The following LHPP variants were observed in gnomAD, a reference collection of about 807,000 sequenced individuals.
LHPP encodes hLHPP.
LHPP carries 24 observed loss-of-function variants against 30.3 expected under a neutral mutation model. The ratio of observed to expected loss-of-function variants is 0.79; its 90% confidence interval spans 0.57 to 1.11. The LOEUF is 1.11. Ranked by LOEUF, LHPP falls within the 50% of genes most tolerant of loss-of-function variation. LHPP has a pLI of 0.00. For synonymous variants in LHPP, 150 were observed against 157.1 expected (o/e 0.95, Z 0.34); for missense variants, 356 against 367.2 (o/e 0.97, Z 0.25).
intron 1 of LHPP, among the ~76,000 whole-genome samples, chr10:124,469,800 G>T (rs186126534): frequency 6.6e-6 from 1 of 152,300 alleles, no homozygotes; most frequent in Non-Finnish European, 1.5e-5. Context: ...GCAGGCGACA[G>T]CGTGCACTCG....
At chr10:124,611,808 G>GT (rs377705479) in intron 6 of LHPP, among the ~76,000 whole-genome samples, 2 of 152,130 alleles carry the variant, frequency 1.3e-5, no homozygotes, top group African/African-American at 4.8e-5. Flanking sequence ...TTTAGATGAC[G>GT]TGAGAACCAA....
chr10:124,467,580 C>A (rs1298243356), intron 1 of LHPP, among the ~76,000 whole-genome samples: 7 of 144,882 alleles, frequency 4.8e-5, no homozygotes, highest in Admixed American at 1.4e-4. Flanking sequence ...TGCAGTGACA[C>A]AATCACGGCT....
chr10:124,560,185 AAATTTTGTTTTT>A (rs1948372169), intron 6 of LHPP, among the ~76,000 whole-genome samples: 1 of 152,234 alleles, frequency 6.6e-6, no homozygotes, highest in African/African-American at 2.4e-5. Flanking sequence ...TCTTGGTTTT[AAATTTTGTTTTT>A]AATTTTATAA....
intron 6 of LHPP, among the ~76,000 whole-genome samples, chr10:124,561,864 T>C (rs1275517131): frequency 6.6e-6 from 1 of 151,922 alleles, no homozygotes; most frequent in Non-Finnish European, 1.5e-5. Context: ...AACCCCAACA[T>C]GAATAAGAAG....
intron 1 of LHPP, among the ~76,000 whole-genome samples, chr10:124,483,722 A>G (rs1953219180): frequency 6.6e-6 from 1 of 152,004 alleles, no homozygotes; most frequent in South Asian, 2.1e-4. Flanking sequence ...ATGCCACTGC[A>G]CTCCAGCCTG....
chr10:124,468,927 C>T (rs911265373), intron 1 of LHPP, among the ~76,000 whole-genome samples: 2 of 152,208 alleles, frequency 1.3e-5, no homozygotes, highest in African/African-American at 4.8e-5. Context: ...GGAAAGTGTG[C>T]CTGCTTTTGG....
At chr10:124,565,793 G>A (rs2133975229) in intron 6 of LHPP, among the ~76,000 whole-genome samples, 1 of 152,334 alleles carries the variant, frequency 6.6e-6, no homozygotes, top group East Asian at 1.9e-4. Context: ...TCACAGGAAG[G>A]CAGGGGGAAG....
intron 6 of LHPP, among the ~76,000 whole-genome samples, chr10:124,605,674 G>A (rs886811103): frequency 1.3e-5 from 2 of 152,158 alleles, no homozygotes; most frequent in African/African-American, 2.4e-5. Context: ...GTCCGCAGGT[G>A]GGGCCCAGTC....
intron 6 of LHPP, among the ~76,000 whole-genome samples, chr10:124,586,987 C>G (rs2133996965): frequency 6.8e-6 from 1 of 147,188 alleles, no homozygotes; most frequent in Admixed American, 6.8e-5. Context: ...CCCCTTCTGG[C>G]TGGTGTGGGG....
chr10:124,588,963 C>T (rs1421208495), intron 6 of LHPP, among the ~76,000 whole-genome samples: 1 of 152,198 alleles, frequency 6.6e-6, no homozygotes, highest in African/African-American at 2.4e-5. Context: ...GCCGGTGCAG[C>T]GCGGTTATTT....
intron 1 of LHPP, among the ~76,000 whole-genome samples, chr10:124,479,644 T>A (rs1953065402): frequency 6.6e-6 from 1 of 152,204 alleles, no homozygotes; most frequent in Non-Finnish European, 1.5e-5. Context: ...ACATGGCCTC[T>A]TTGTGCATTC....
At chr10:124,603,597 G>T (rs528117108) in intron 6 of LHPP, among the ~76,000 whole-genome samples, 1 of 152,104 alleles carries the variant, frequency 6.6e-6, no homozygotes, top group Admixed American at 6.5e-5. Context: ...CTTCAAAGCC[G>T]CCCGAGAAGG....
intron 1 of LHPP, among the ~76,000 whole-genome samples, chr10:124,471,745 A>ATATTTGTATATT (rs1952784261): frequency 7.9e-6 from 1 of 127,244 alleles, no homozygotes; most frequent in Non-Finnish European, 1.6e-5. Context: ...ATTTGTATAT[A>ATATTTGTATATT]TATTTGTATA....
rs373312939 is a variant in LHPP, at chr10:124,566,296, A to C, written c.717-46968A>C. 5.4e-4 allele frequency among the ~76,000 whole-genome samples: 82 copies of C among 152,218 alleles called. 1 individual carries two copies. In the South Asian group the frequency reaches 0.016, roughly 30 times the overall value. On this transcript the variant is annotated intron_variant, in intron 6 of 6. Coordinates refer to ENST00000368842, the MANE Select transcript of LHPP (RefSeq NM_022126.4). ...GACCCCTGGGAGACTCACTTTCAGG[A>C]GGGGTTGTCCTTTCCCCCCTGGGGG...
intron 6 of LHPP, among the ~76,000 whole-genome samples, chr10:124,601,892 A>G (rs1589710759): frequency 1.3e-5 from 2 of 152,200 alleles, no homozygotes; most frequent in Non-Finnish European, 2.9e-5. Flanking sequence ...CACGTGGAGC[A>G]CCAGCCATGG....
chr10:124,597,222 C>T (rs564334350), intron 6 of LHPP, among the ~76,000 whole-genome samples: 39 of 152,278 alleles, frequency 2.6e-4, no homozygotes, highest in African/African-American at 9.4e-4. Context: ...TACGGTCTGT[C>T]GTGGGACCCG....
rs2133871678 is a variant in LHPP, at chr10:124,496,694, T to A, written c.468-267T>A. On this transcript the variant is annotated intron_variant, in intron 3 of 6. Coordinates refer to ENST00000368842, the MANE Select transcript of LHPP (RefSeq NM_022126.4). The surrounding 1 kb of genome is among the most constrained non-coding windows in gnomAD (Gnocchi z 4.3). ...CATTGCAGCAGGGTCCCCACGAGTC[T>A]GACAGCAGGGTTGCGTTCTGTGCGA... Among the ~76,000 whole-genome samples the A allele has an allele frequency of 6.6e-6, 1 of 152,360 alleles. No individual in the cohort carries two copies. The highest frequency in any genetic ancestry group is 1.9e-4 in the East Asian group (1 of 5,184).
chr10:124,594,395 A>C (rs11245307), intron 6 of LHPP, among the ~76,000 whole-genome samples: 7,907 of 150,246 alleles, frequency 0.053, 310 homozygotes, highest in Non-Finnish European at 0.079. Flanking sequence ...AAAAAAGTGC[A>C]TGTTTAGACA....
chr10:124,598,471 G>A (rs915941877), intron 6 of LHPP, among the ~76,000 whole-genome samples: 2 of 152,194 alleles, frequency 1.3e-5, no homozygotes, highest in Admixed American at 1.3e-4. Flanking sequence ...AGGTTCTATT[G>A]ATAACCCCAT....
Sources: gnomAD v4.1 joint callset for allele counts (sites outside exome capture counted in the v4.1 genomes callset) on GRCh38, gnomAD v4.1.1 for gene constraint, Gnocchi (gnomAD v3.1) non-coding constraint, MANE v1.5 for transcripts, NCBI Gene and HGNC (gene_info 2026-07-23, HGNC 2026-07-21) for gene names.